Variants in SRGAP3 observed in about 807,000 individuals in gnomAD.
The protein encoded by SRGAP3 is SLIT-ROBO Rho GTPase activating protein 3.
A neutral mutation model predicts 121.1 loss-of-function variants in SRGAP3; 39 were observed. The observed-to-expected ratio is 0.32, with a 90% CI of 0.25 to 0.42. The LOEUF (loss-of-function observed/expected upper bound fraction) is 0.42, where lower values mean the gene tolerates loss of function less well. Among genes scored for constraint, SRGAP3 ranks in the 10% least tolerant of loss-of-function variants. SRGAP3 has a pLI of 1.00. For missense variants in SRGAP3, 1,213 were observed against 1,470.6 expected (o/e 0.82, Z 2.86); for synonymous variants, 601 against 570.0 (o/e 1.05, Z -0.77).
In SRGAP3 at chr3:9,248,912, T is replaced by C. The variant is rs1953920468; in HGVS notation, c.40A>G (p.Ile14Val). The part of the protein sequence containing the change: ...QTKFKKDKEI[I>V]AEYEAQIKEI... ...TTTATTTGGGCTTCATATTCAGCAATGATCTCTTTGTCTTTCTTGAACTTA... is the reference window on the plus strand; with the variant it reads ...TTTATTTGGGCTTCATATTCAGCAACGATCTCTTTGTCTTTCTTGAACTTA... The change falls in exon 1 of 22, where the codon ATT becomes GTT. Residue 14 changes from isoleucine (I) to valine (V), a missense_variant. Transcript: ENST00000383836. The C allele has an allele frequency of 6.2e-7, 1 of 1,614,228 alleles. No homozygotes were observed. Among genetic ancestry groups the C allele is most frequent in the Non-Finnish European group, 8.5e-7 (1 of 1,180,038 alleles).
intron 1 of SRGAP3, among the ~76,000 whole-genome samples, chr3:9,223,835 T>C (rs1262196626): frequency 6.6e-6 from 1 of 152,218 alleles, no homozygotes; most frequent in Non-Finnish European, 1.5e-5. Context: ...AGTGCATGAC[T>C]GTAAGGTTAA....
At chr3:9,046,600 C>T (rs1395860771) in intron 10 of SRGAP3, among the ~76,000 whole-genome samples, 1 of 152,180 alleles carries the variant, frequency 6.6e-6, no homozygotes, top group African/African-American at 2.4e-5. Context: ...TCAGGTCCCT[C>T]GAGGGCCAAA....
chr3:8,999,947 A>G (rs968284907), intron 18 of SRGAP3, among the ~76,000 whole-genome samples: 1 of 152,206 alleles, frequency 6.6e-6, no homozygotes, highest in African/African-American at 2.4e-5. Flanking sequence ...ATGAAGAAAC[A>G]TCTATTCAAG....
At chr3:9,122,233 G>C in intron 2 of SRGAP3, among the ~76,000 whole-genome samples, 1 of 152,184 alleles carries the variant, frequency 6.6e-6, no homozygotes, top group East Asian at 1.9e-4. Flanking sequence ...GTGGGACTAT[G>C]AATGATATTT....
At chr3:9,043,584 C>G (rs1945120213) in intron 10 of SRGAP3, among the ~76,000 whole-genome samples, 1 of 152,074 alleles carries the variant, frequency 6.6e-6, no homozygotes, top group South Asian at 2.1e-4. Context: ...GACTCACATT[C>G]CAGCTCTCAA....
chr3:9,279,568 C>T, intron 3 of SRGAP3, among the ~76,000 whole-genome samples: 1 of 142,290 alleles, frequency 7.0e-6, no homozygotes, highest in Non-Finnish European at 1.5e-5. Flanking sequence ...GGCTGGAGTG[C>T]AGTGGCGCAA....
chr3:9,318,573 G>A (rs937835148), intron 3 of SRGAP3, among the ~76,000 whole-genome samples: 2 of 151,684 alleles, frequency 1.3e-5, no homozygotes, highest in African/African-American at 4.8e-5. Flanking sequence ...AGAACTTAAA[G>A]CTTTTGAAAA....
At position 9,121,945 on chromosome 3, in the gene SRGAP3, G is replaced by A. The variant is rs529309200; in HGVS notation, c.260+2780C>T. 3.9e-5 allele frequency among the ~76,000 whole-genome samples: 6 copies of A among 152,304 alleles called. No individual in the cohort carries two copies. The South Asian group carries it at 1.0e-3, about 26-fold the overall frequency. On this transcript the variant is annotated intron_variant, in intron 2 of 21. Transcript: ENST00000383836. Reference sequence around the variant, plus strand: ...CTGTGGTTCCAGGGAGGGTCCAGATGTCATGGCTACTCTCAAGCTGCACCT... The same window carrying A: ...CTGTGGTTCCAGGGAGGGTCCAGATATCATGGCTACTCTCAAGCTGCACCT...
At chr3:9,159,487 C>T (rs1950534045) in intron 1 of SRGAP3, among the ~76,000 whole-genome samples, 1 of 152,162 alleles carries the variant, frequency 6.6e-6, no homozygotes, top group Admixed American at 6.5e-5. Context: ...TGACAGGGCC[C>T]CCTGCCGCCA....
intron 1 of SRGAP3, among the ~76,000 whole-genome samples, chr3:9,190,706 A>G (rs1459550657): frequency 6.6e-6 from 1 of 152,208 alleles, no homozygotes; most frequent in Non-Finnish European, 1.5e-5. Flanking sequence ...TTTCACACAC[A>G]TCCAGAGCCA....
In SRGAP3 at chr3:9,013,391, G is replaced by A. The variant is rs745961549; in HGVS notation, c.2064C>T (p.Ile688=). Reference sequence around the variant, plus strand: ...GGCTGGGGAAGATGGCTTCATGATGGATGATGATGGTTTTGATGACTTCAT... The same window carrying A: ...GGCTGGGGAAGATGGCTTCATGATGAATGATGATGGTTTTGATGACTTCAT... ...HINEVIKTII[I]HHEAIFPSPR... The change falls in exon 17 of 22, where the codon ATC becomes ATT. Residue 688 remains isoleucine, a synonymous_variant. Transcript: ENST00000383836. 2.5e-6 allele frequency: 4 copies of A among 1,614,140 alleles called. No homozygotes were observed. The highest frequency in any genetic ancestry group is 2.2e-5 in the South Asian group (2 of 91,076).
chr3:9,058,351 T>A lies in SRGAP3; in HGVS notation c.923A>T (p.Asn308Ile). The change falls in exon 7 of 22, where the codon AAC becomes ATC. Residue 308 changes from asparagine (N) to isoleucine (I), a missense_variant. Transcript: ENST00000383836. ...GLDVIENAVDNLDSRSDKHTV... is the reference protein window; with the variant it reads ...GLDVIENAVDILDSRSDKHTV... ...GTGCTTGTCACTTCGGGAATCCAGG[T>A]TGTCCACTGCATTCTCAATGACATC... 1 of 1,614,248 alleles carries A rather than the reference T, an allele frequency of 6.2e-7. No homozygotes were observed. The highest frequency in any genetic ancestry group is 8.5e-7 in the Non-Finnish European group (1 of 1,180,040).
At chr3:9,178,275 T>A (rs1010059084) in intron 1 of SRGAP3, among the ~76,000 whole-genome samples, 2 of 151,212 alleles carry the variant, frequency 1.3e-5, no homozygotes, top group South Asian at 2.1e-4. Context: ...TCAAAAAAAA[T>A]AAAAATAAAA....
chr3:9,057,217 C>T (rs1271651283), intron 7 of SRGAP3, among the ~76,000 whole-genome samples: 3 of 152,276 alleles, frequency 2.0e-5, no homozygotes, highest in East Asian at 1.9e-4. Flanking sequence ...CGTGAGCCAC[C>T]GCCTTCCACC....
intron 1 of SRGAP3, among the ~76,000 whole-genome samples, chr3:9,184,479 C>T (rs1228711925): frequency 6.6e-6 from 1 of 152,076 alleles, no homozygotes; most frequent in Non-Finnish European, 1.5e-5. Context: ...GATAAGTAGA[C>T]CTCAAGGTTT....
intron 4 of SRGAP3, 130 bp downstream of exon 4, chr3:9,079,895 T>C: frequency 1.2e-6 from 1 of 858,698 alleles, no homozygotes; most frequent in East Asian, 2.7e-5. Flanking sequence ...GATGACCCAC[T>C]GTCACTCAGC....
intron 10 of SRGAP3, among the ~76,000 whole-genome samples, chr3:9,045,251 T>A (rs984187802): frequency 1.5e-4 from 22 of 151,688 alleles, no homozygotes; most frequent in African/African-American, 5.3e-4. Context: ...CATCCATTTG[T>A]CAAAGGAAGC....
intron 1 of SRGAP3, among the ~76,000 whole-genome samples, chr3:9,161,522 T>C (rs995489664): frequency 3.3e-5 from 5 of 152,208 alleles, no homozygotes; most frequent in Non-Finnish European, 7.4e-5. Flanking sequence ...GAGGCAGAGA[T>C]AGGATATAAA....
chr3:8,995,202 T>C lies in SRGAP3; in HGVS notation c.2228-679A>G, dbSNP rs1574866237. ...TAAGAGGAGCAGAGGCTGGGCGTGG[T>C]AGCTTATGCCTATAAGCCCAACACT... On this transcript the variant is annotated intron_variant, in intron 18 of 21. Coordinates refer to ENST00000383836, the MANE Select transcript of SRGAP3 (RefSeq NM_014850.4). Among the ~76,000 whole-genome samples, 5 of 152,208 alleles carry C rather than the reference T, an allele frequency of 3.3e-5. No individual in the cohort carries two copies. The East Asian group carries it at 9.6e-4, about 29-fold the overall frequency.
Sources: gnomAD v4.1 joint callset for allele counts (sites outside exome capture counted in the v4.1 genomes callset) on GRCh38, gnomAD v4.1.1 for gene constraint, MANE v1.5 for transcripts, NCBI Gene and HGNC (gene_info 2026-07-23, HGNC 2026-07-21) for gene names.